SMUG1: variants seen among roughly 807,000 people sequenced by gnomAD.
SMUG1 encodes single-strand-selective monofunctional uracil-DNA glycosylase 1.
SMUG1 carries 13 observed loss-of-function variants against 23.9 expected under a neutral mutation model. The ratio of observed to expected loss-of-function variants is 0.54; its 90% CI spans 0.35 to 0.86. The LOEUF (loss-of-function observed/expected upper bound fraction) is 0.86, where lower values mean the gene tolerates loss of function less well. Ranked by LOEUF, SMUG1 falls within the 40% of genes least tolerant of loss-of-function variation. The pLI is 0.01. For missense variants in SMUG1, 313 were observed against 339.5 expected (o/e 0.92, Z 0.61); for synonymous variants, 133 against 139.8 (o/e 0.95, Z 0.34).
At position 54,181,877 on chromosome 12, in the gene SMUG1, AAAAGGT is replaced by A; in HGVS notation, c.*213_*218del. 7.0e-7 allele frequency: 1 copy of A among 1,423,408 alleles called. No homozygotes were observed. Among genetic ancestry groups the A allele is most frequent in the Non-Finnish European group, 9.1e-7 (1 of 1,093,964 alleles). 88.2% of individuals were successfully genotyped at this position (1,423,408 alleles called of 1,614,324 possible). A position where few individuals can be genotyped will look rare whatever the true frequency, so the allele number is the denominator to read the frequency against. On this transcript the variant is annotated 3_prime_UTR_variant, in exon 4 of 4. Transcript: ENST00000682136. ...GGGGTCCCCTGAAAGGGGCAATGTT[AAAAGGT>A]AAAGAAAGCAGGAATCAGGAGGGCA...
At chr12:54,176,379 G>A (rs148007971), downstream of SMUG1, among the ~76,000 whole-genome samples, 248 of 151,818 alleles carry the variant, frequency 1.6e-3, no homozygotes, top group African/African-American at 5.5e-3. Flanking sequence ...AGGTGTGGTG[G>A]TGCATGCCTA....
In SMUG1 at chr12:54,183,670, T is replaced by C. The variant is rs1388910106; in HGVS notation, c.271A>G (p.Met91Val). The change falls in exon 3 of 4, where the codon ATG (methionine) becomes GTG (valine). Residue 91 changes from methionine (M) to valine (V), a missense_variant. By Grantham distance (21) the Met-to-Val change is conservative. Transcript: ENST00000682136. Reference sequence around the variant, plus strand: ...AAACCCTTTACCCCAGTCTGGGCCATGCCAAAAGGTCCAGGGTTCATGCCC... The same window carrying C: ...AAACCCTTTACCCCAGTCTGGGCCACGCCAAAAGGTCCAGGGTTCATGCCC... ...FLGMNPGPFG[M>V]AQTGVPFGEV... The C allele has an allele frequency of 6.2e-6, 10 of 1,613,808 alleles. No individual in the cohort carries two copies. The highest frequency in any genetic ancestry group is 8.5e-6 in the Non-Finnish European group (10 of 1,179,960).
At chr12:54,166,571 G>C (rs539724159) in intron 3 of SMUG1, among the ~76,000 whole-genome samples, 113 of 152,264 alleles carry the variant, frequency 7.4e-4, no homozygotes, top group Non-Finnish European at 1.2e-3. Context: ...TCTTGGTCTA[G>C]CCCTCCGTGT....
chr12:54,177,986 G>T (rs76628943), downstream of SMUG1, among the ~76,000 whole-genome samples: 4,156 of 152,200 alleles, frequency 0.027, 194 homozygotes, highest in African/African-American at 0.095. Flanking sequence ...AGGCACCTAA[G>T]GTTAAATTGG....
chr12:54,159,472 C>T (rs1429707071), intron 4 of SMUG1, among the ~76,000 whole-genome samples: 2 of 152,150 alleles, frequency 1.3e-5, no homozygotes, highest in Non-Finnish European at 2.9e-5. Context: ...TGGCGCTTCT[C>T]CTCCCCAGAA....
chr12:54,176,102 T>G (rs1171441247), downstream of SMUG1, among the ~76,000 whole-genome samples: 1 of 152,122 alleles, frequency 6.6e-6, no homozygotes, highest in Non-Finnish European at 1.5e-5. Context: ...GGCACATGCC[T>G]GTAATCCCAG....
chr12:54,166,159 G>A (rs562638640), intron 3 of SMUG1, among the ~76,000 whole-genome samples: 5 of 152,158 alleles, frequency 3.3e-5, no homozygotes, highest in African/African-American at 4.8e-5. Context: ...TCAGGAGTTC[G>A]AGACCAGCCT....
rs552575606 is a variant in SMUG1 at position 54,185,178 on chromosome 12, C to T, written c.-19-1219G>A. On this transcript the variant is annotated intron_variant, in intron 2 of 3. Transcript: ENST00000682136. ...TACAAATTAGTCAGGCATGGTGGTA[C>T]GTGCCTGTAATCCCGGCTACTCTGG... Among the ~76,000 whole-genome samples, 220 of 152,178 alleles carry T rather than the reference C, an allele frequency of 1.4e-3. 3 individuals are homozygous for T. The highest frequency in any genetic ancestry group is 5.0e-3 in the African/African-American group (207 of 41,514).
intron 3 of SMUG1, 93 bp downstream of exon 3, chr12:54,183,563 C>G: frequency 7.7e-7 from 1 of 1,301,118 alleles, no homozygotes; most frequent in Non-Finnish European, 1.1e-6. Context: ...CACATGTCTA[C>G]AGCCATGCAC....
chr12:54,186,998 T>C (rs1942630192), intron 2 of SMUG1: 2 of 152,192 alleles, frequency 1.3e-5, no homozygotes, highest in Non-Finnish European at 2.9e-5. Flanking sequence ...CTGGCTGACA[T>C]AATGAGACCC....
At chr12:54,173,689 G>A (rs1234271935) in intron 2 of SMUG1, among the ~76,000 whole-genome samples, 1 of 98,860 alleles carries the variant, frequency 1.0e-5, no homozygotes, top group Non-Finnish European at 1.9e-5. Context: ...CGCACGCTCC[G>A]CACGCCCGGG....
chr12:54,160,302 C>T (rs1463669197), downstream of SMUG1, among the ~76,000 whole-genome samples: 1 of 152,250 alleles, frequency 6.6e-6, no homozygotes, highest in Non-Finnish European at 1.5e-5. Context: ...GCAGCAGGTT[C>T]TGTGTGGTGG....
Position 54,181,860 on chromosome 12 carries a change from C to T in SMUG1, c.*236G>A. The T allele has an allele frequency of 7.0e-7, 1 of 1,421,624 alleles. No individual in the cohort carries two copies. Among genetic ancestry groups the T allele is most frequent in the East Asian group, 2.5e-5 (1 of 39,630 alleles). The allele number at this position is 1,421,624 out of a possible 1,614,324, so 88.1% of individuals were successfully genotyped here. On this transcript the variant is annotated 3_prime_UTR_variant, in exon 4 of 4. Coordinates refer to ENST00000682136, the MANE Select transcript of SMUG1 (RefSeq NM_001243787.2). ...CAGATTCCCTACAAAGTGGGGTCCC[C>T]TGAAAGGGGCAATGTTAAAAGGTAA...
At chr12:54,162,570 T>C (rs1276353170), downstream of SMUG1, 2 of 152,210 alleles carry the variant, frequency 1.3e-5, no homozygotes, top group Non-Finnish European at 2.9e-5. Flanking sequence ...AAACCCAGTA[T>C]GGTAGTCAGT....
intron 3 of SMUG1, among the ~76,000 whole-genome samples, chr12:54,166,265 G>A (rs140059481): frequency 0.019 from 2,948 of 152,272 alleles, 124 homozygotes; most frequent in African/African-American, 0.067. Context: ...GGAGGCTGAG[G>A]CAGGAGAATT....
chr12:54,172,350 TG>T (rs1940643078), intron 2 of SMUG1: 2 of 268,936 alleles, frequency 7.4e-6, no homozygotes, highest in African/African-American at 2.2e-5. Context: ...TTGCCCTCGC[TG>T]TTCTCTTAGC....
Position 54,182,499 on chromosome 12 carries a change from C to T in SMUG1, c.410G>A (p.Ser137Asn), listed in dbSNP as rs758324719. Reference sequence around the variant, plus strand: ...GAAAAAGCCCCAGAATCGGGCACCACTCACTTCTGACTGTGGGCACTCCAG... The same window carrying T: ...GAAAAAGCCCCAGAATCGGGCACCATTCACTTCTGACTGTGGGCACTCCAG... Reference protein sequence around the residue: ...LGLECPQSEVSGARFWGFFRN... With the variant: ...LGLECPQSEVNGARFWGFFRN... The change falls in exon 4 of 4, where the codon AGT becomes AAT. Residue 137 changes from serine (S) to asparagine (N), a missense_variant. Transcript: ENST00000682136. 6.2e-7 allele frequency: 1 copy of T among 1,614,116 alleles called. No individual in the cohort carries two copies. Among genetic ancestry groups the T allele is most frequent in the South Asian group, 1.1e-5 (1 of 91,074 alleles).
intron 3 of SMUG1, 198 bp from the exon 4 acceptor site, chr12:54,182,821 A>G (rs1029689557): frequency 1.8e-6 from 2 of 1,101,222 alleles, no homozygotes; most frequent in South Asian, 3.6e-5. Flanking sequence ...TTCATTGTGA[A>G]CCGTGGTCCA....
downstream of SMUG1, among the ~76,000 whole-genome samples, chr12:54,163,709 T>G (rs912237823): frequency 2.6e-5 from 4 of 152,232 alleles, no homozygotes; most frequent in African/African-American, 9.7e-5. Context: ...CAAGCAGGCC[T>G]GCATTCAAGC....
Sources: allele counts gnomAD v4.1 joint callset (sites outside exome capture counted in the v4.1 genomes callset), GRCh38; gene constraint gnomAD v4.1.1; transcripts MANE v1.5; gene names NCBI Gene and HGNC (gene_info 2026-07-23, HGNC 2026-07-21).